Variants in TNPO2 observed in about 807,000 individuals in gnomAD.
TNPO2 encodes the protein transportin-2.
TNPO2 carries 16 observed loss-of-function variants against 111.1 expected under a neutral mutation model. The observed-to-expected ratio is 0.14, with a 90% CI of 0.10 to 0.22. The LOEUF is 0.22. Among genes scored for constraint, TNPO2 ranks in the 10% least tolerant of loss-of-function variants. TNPO2 has a pLI of 1.00. For missense variants in TNPO2, 530 were observed against 1,173.7 expected (o/e 0.45, Z 8.01); for synonymous variants, 481 against 475.8 (o/e 1.01, Z -0.14).
At chr19:12,704,397 G>A (rs546297970) in intron 18 of TNPO2, among the ~76,000 whole-genome samples, 2 of 151,938 alleles carry the variant, frequency 1.3e-5, no homozygotes, top group South Asian at 4.2e-4. Context: ...GGTGGGGGGG[G>A]CATAGTGTTT....
At chr19:12,709,617 C>A (rs553316987) in intron 13 of TNPO2, among the ~76,000 whole-genome samples, 1 of 151,596 alleles carries the variant, frequency 6.6e-6, no homozygotes, top group Non-Finnish European at 1.5e-5. Context: ...TAGGCACTTA[C>A]CACCACGCCG....
chr19:12,702,511 C>A lies in TNPO2; in HGVS notation c.2305+312G>T. 1 of 532,192 alleles carries A rather than the reference C, an allele frequency of 1.9e-6. No homozygotes were observed. 33.0% of individuals were successfully genotyped at this position (532,192 alleles called of 1,614,324 possible). Reference sequence around the variant, plus strand: ...CCTCCCGAGTAGCTGGGATTGCAGGCACGTGCCATTACCCCCGGCTAATTT... The same window carrying A: ...CCTCCCGAGTAGCTGGGATTGCAGGAACGTGCCATTACCCCCGGCTAATTT... On this transcript the variant is annotated intron_variant, in intron 21 of 25. Transcript: ENST00000425528. This position sits in a 1 kb window ranked among gnomAD's most constrained non-coding sequence, Gnocchi z 5.5.
chr19:12,705,275 T>C lies in TNPO2; in HGVS notation c.1987A>G (p.Ser663Gly). 1.2e-6 allele frequency: 2 copies of C among 1,605,568 alleles called. No individual in the cohort carries two copies. Among genetic ancestry groups the C allele is most frequent in the Non-Finnish European group, 1.7e-6 (2 of 1,176,268 alleles). ...GGHVEQLVAR[S>G]NIMTLLFQCM... Reference sequence around the variant, plus strand: ...TGGAACAGCAATGTCATGATGTTGCTGCGGGCCACCAGCTGCTCCACGTGA... The same window carrying C: ...TGGAACAGCAATGTCATGATGTTGCCGCGGGCCACCAGCTGCTCCACGTGA... Residue 663 changes from serine (S) to glycine (G), a missense_variant, in exon 18 of 26, where the codon AGC becomes GGC. Ser to Gly is a moderately conservative substitution (Grantham distance 56). Around this residue, in one of 4 missense-constraint regions of TNPO2, gnomAD observed 183 missense variants for 481.0 expected, o/e 0.38. Coordinates refer to ENST00000425528, the MANE Select transcript of TNPO2 (RefSeq NM_001382241.1). The surrounding 1 kb of genome is among the most constrained non-coding windows in gnomAD (Gnocchi z 7.2).
Position 12,710,650 on chromosome 19 carries a change from C to T in TNPO2, c.1241G>A (p.Gly414Asp). 1 of 1,613,384 alleles carries T rather than the reference C, an allele frequency of 6.2e-7. No individual in the cohort carries two copies. The highest frequency in any genetic ancestry group is 8.5e-7 in the Non-Finnish European group (1 of 1,179,678). ...FHPEWVVKES[G>D]ILVLGAIAEG... Reference sequence around the variant, plus strand: ...AGCAATGGCGCCCAGCACCAGGATGCCCGACTCCTTGACCACCCACTCGGG... The same window carrying T: ...AGCAATGGCGCCCAGCACCAGGATGTCCGACTCCTTGACCACCCACTCGGG... Residue 414 changes from glycine (G) to aspartate (D), a missense_variant, in exon 13 of 26, where the codon GGC (glycine) becomes GAC (aspartate). Coordinates refer to ENST00000425528, the MANE Select transcript of TNPO2 (RefSeq NM_001382241.1).
rs747594257 is a variant in TNPO2 at position 12,711,524 on chromosome 19, C to A, written c.951+29G>T. On this transcript the variant is annotated intron_variant, in intron 11 of 25. Coordinates refer to ENST00000425528, the MANE Select transcript of TNPO2 (RefSeq NM_001382241.1). ...ACAGCCGCGACACCCACGCCCATGC[C>A]CACCCATGCTGGGTGGGCCCTGCCT... 3 of 1,613,892 alleles carry A rather than the reference C, an allele frequency of 1.9e-6. No homozygotes were observed. In the Admixed American group the frequency reaches 5.0e-5, roughly 27 times the overall value.
At position 12,701,345 on chromosome 19, in the gene TNPO2, C is replaced by A. The variant is rs956247007; in HGVS notation, c.*1G>T. ...CCTTACCTGGCAGTCTCCATGATCA[C>A]CTAGACCCCATAGAAAGCCGCCAGC... On this transcript the variant is annotated 3_prime_UTR_variant, in exon 25 of 26. Coordinates refer to ENST00000425528, the MANE Select transcript of TNPO2 (RefSeq NM_001382241.1). The surrounding 1 kb of genome is among the most constrained non-coding windows in gnomAD (Gnocchi z 5.0). 2.5e-6 allele frequency: 4 copies of A among 1,613,254 alleles called. No individual in the cohort carries two copies. Among genetic ancestry groups the A allele is most frequent in the Non-Finnish European group, 2.5e-6 (3 of 1,179,494 alleles).
rs1446972540 is a variant in TNPO2 at position 12,699,881 on chromosome 19, C to T, written c.*1383G>A. On this transcript the variant is annotated 3_prime_UTR_variant, in exon 26 of 26. Coordinates refer to ENST00000425528, the MANE Select transcript of TNPO2 (RefSeq NM_001382241.1). ...CAGGATGCGAGACTCCAGTCAGACT[C>T]CAAAACACAAGGGGCTCCCCAAAGA... The T allele has an allele frequency of 2.0e-5, 3 of 152,218 alleles. No individual in the cohort carries two copies. The highest frequency in any genetic ancestry group is 4.4e-5 in the Non-Finnish European group (3 of 67,998). The allele number at this position is 152,218 out of a possible 1,614,324, so 9.4% of individuals were successfully genotyped here.
chr19:12,709,133 A>C (rs972306315), intron 13 of TNPO2, among the ~76,000 whole-genome samples: 9 of 152,082 alleles, frequency 5.9e-5, no homozygotes, highest in Non-Finnish European at 1.0e-4. Flanking sequence ...AGGCCAAGGC[A>C]GGCAGATCAT....
chr19:12,718,891 T>C, intron 5 of TNPO2, 138 bp downstream of exon 5: 1 of 1,219,304 alleles, frequency 8.2e-7, no homozygotes, highest in Admixed American at 2.2e-5. Context: ...GCGCCTCAGC[T>C]TCCTCATCTA....
Position 12,700,483 on chromosome 19 carries a change from C to G in TNPO2, c.*781G>C, listed in dbSNP as rs1436965189. The G allele has an allele frequency of 2.0e-5, 3 of 152,308 alleles. No individual in the cohort carries two copies. The highest frequency in any genetic ancestry group is 7.2e-5 in the African/African-American group (3 of 41,444). 9.4% of individuals were successfully genotyped at this position (152,308 alleles called of 1,614,324 possible). A position where few individuals can be genotyped will look rare whatever the true frequency, so the allele number is the denominator to read the frequency against. On this transcript the variant is annotated 3_prime_UTR_variant, in exon 26 of 26. Coordinates refer to ENST00000425528, the MANE Select transcript of TNPO2 (RefSeq NM_001382241.1). ...GCCAGCCCCAGCCACTCCAGTGGTT[C>G]TCACCCTGCGAGCTAGGCTAGGATA...
chr19:12,702,808 G>A lies in TNPO2; in HGVS notation c.2305+15C>T, dbSNP rs754913613. 1.9e-5 allele frequency: 31 copies of A among 1,612,084 alleles called. 1 individual carries two copies. The highest frequency in any genetic ancestry group is 1.6e-4 in the South Asian group (15 of 91,044). ...GCAGGCAGGGGTGCAGGCAGCAGCC[G>A]GGCCAGGTGCCCACCTGTGTTTTCC... On this transcript the variant is annotated intron_variant, in intron 21 of 25. Transcript: ENST00000425528. This position sits in a 1 kb window ranked among gnomAD's most constrained non-coding sequence, Gnocchi z 5.5.
chr19:12,714,414 G>C (rs1202285725), intron 10 of TNPO2, among the ~76,000 whole-genome samples: 1 of 151,298 alleles, frequency 6.6e-6, no homozygotes, highest in Non-Finnish European at 1.5e-5. Flanking sequence ...CTGGGTTCAA[G>C]CAATTCTCCT....
At position 12,706,413 on chromosome 19, in the gene TNPO2, G is replaced by T. The variant is rs752473928; in HGVS notation, c.1497-46C>A. ...GCGGGGGCTCAGTGGACCATGGCAGGTGACACTGGGCCATGGGCAGTTGGG... is the reference window on the plus strand; with the variant it reads ...GCGGGGGCTCAGTGGACCATGGCAGTTGACACTGGGCCATGGGCAGTTGGG... On this transcript the variant is annotated intron_variant, in intron 14 of 25. Coordinates refer to ENST00000425528, the MANE Select transcript of TNPO2 (RefSeq NM_001382241.1). The surrounding 1 kb of genome is among the most constrained non-coding windows in gnomAD (Gnocchi z 7.0). 1.9e-6 allele frequency: 3 copies of T among 1,611,190 alleles called. No homozygotes were observed. The highest frequency in any genetic ancestry group is 2.7e-5 in the African/African-American group (2 of 74,876).
chr19:12,720,761 C>T (rs903195500), intron 3 of TNPO2, 118 bp downstream of exon 3: 6 of 1,309,936 alleles, frequency 4.6e-6, no homozygotes, highest in Admixed American at 2.6e-5. Flanking sequence ...GGCAGATCCT[C>T]CGCACAGCAG....
In TNPO2 at chr19:12,716,177, T is replaced by C. The variant is rs573441212; in HGVS notation, c.326-438A>G. On this transcript the variant is annotated intron_variant, in intron 5 of 25. Transcript: ENST00000425528. ...TGAGCCACCGCTCCTGGCCTTGACA[T>C]AGGTAGAAGGGTACTCCTTGACTCA... Among the ~76,000 whole-genome samples the C allele has an allele frequency of 2.1e-3, 321 of 152,278 alleles. 3 individuals are homozygous for C. The highest frequency in any genetic ancestry group is 7.4e-3 in the African/African-American group (306 of 41,546).
In TNPO2 at chr19:12,721,250, T is replaced by A. The variant is rs1490981466; in HGVS notation, c.-13-260A>T. The A allele has an allele frequency of 2.3e-6, 3 of 1,307,690 alleles. No homozygotes were observed. The East Asian group carries it at 1.2e-4, about 53-fold the overall frequency. The allele number at this position is 1,307,690 out of a possible 1,614,324, so 81.0% of individuals were successfully genotyped here. A position where few individuals can be genotyped will look rare whatever the true frequency, so the allele number is the denominator to read the frequency against. ...GGCGGCGGCGGGGCCCGGCGGATCC[T>A]CATGGGACCCAGCGAAGAGCCCTCG... is the stretch of plus-strand genomic sequence containing the variant. On this transcript the variant is annotated intron_variant, in intron 2 of 25. Coordinates refer to ENST00000425528, the MANE Select transcript of TNPO2 (RefSeq NM_001382241.1). The surrounding 1 kb of genome is among the most constrained non-coding windows in gnomAD (Gnocchi z 4.9).
At position 12,706,341 on chromosome 19, in the gene TNPO2, G is replaced by A; in HGVS notation, c.1523C>T (p.Ala508Val). 6.2e-7 allele frequency: 1 copy of A among 1,614,006 alleles called. No individual in the cohort carries two copies. Among genetic ancestry groups the A allele is most frequent in the South Asian group, 1.1e-5 (1 of 91,078 alleles). ...GAGGTAGGGCACCAGCTCCGTGCAG[G>A]CCTCTTCCTCCAGGGTGGCAAAAGC... ...CSAFATLEEE[A>V]CTELVPYLSY... The change falls in exon 15 of 26, where the codon GCC (alanine) becomes GTC (valine). Residue 508 changes from alanine to valine, a missense_variant. Transcript: ENST00000425528. The surrounding 1 kb of genome is among the most constrained non-coding windows in gnomAD (Gnocchi z 7.0).
Position 12,721,113 on chromosome 19 carries a change from C to T in TNPO2, c.-13-123G>A, listed in dbSNP as rs1370608077. On this transcript the variant is annotated intron_variant, in intron 2 of 25. Transcript: ENST00000425528. This position sits in a 1 kb window ranked among gnomAD's most constrained non-coding sequence, Gnocchi z 4.9. Reference sequence around the variant, plus strand: ...AACGCCCTCGGCGGACAGGCGGAGGCCTCCGATCCACGCCCGCCCAAGTGC... The same window carrying T: ...AACGCCCTCGGCGGACAGGCGGAGGTCTCCGATCCACGCCCGCCCAAGTGC... 2 of 1,518,474 alleles carry T rather than the reference C, an allele frequency of 1.3e-6. No homozygotes were observed. The highest frequency in any genetic ancestry group is 4.1e-5 in the Admixed American group (2 of 49,242). The allele number at this position is 1,518,474 out of a possible 1,614,324, so 94.1% of individuals were successfully genotyped here.
In TNPO2 at chr19:12,702,676, G is replaced by A; in HGVS notation, c.2305+147C>T. The A allele has an allele frequency of 1.4e-6, 1 of 717,590 alleles. No homozygotes were observed. The highest frequency in any genetic ancestry group is 2.4e-6 in the Non-Finnish European group (1 of 415,508). 44.5% of individuals were successfully genotyped at this position (717,590 alleles called of 1,614,324 possible). ...CCCAGCCTGAGGCTGCATCTTTCTT[G>A]GGGCTTCTCCCAGTGACCCCTTCCA... On this transcript the variant is annotated intron_variant, in intron 21 of 25. Coordinates refer to ENST00000425528, the MANE Select transcript of TNPO2 (RefSeq NM_001382241.1). This position sits in a 1 kb window ranked among gnomAD's most constrained non-coding sequence, Gnocchi z 5.5.
Sources: allele counts gnomAD v4.1 joint callset (sites outside exome capture counted in the v4.1 genomes callset), GRCh38; gene constraint gnomAD v4.1.1; regional missense constraint gnomAD v4.1.1; non-coding constraint Gnocchi (gnomAD v3.1); transcripts MANE v1.5; gene names NCBI Gene and HGNC (gene_info 2026-07-23, HGNC 2026-07-21).